Variants in PARD3 observed in about 807,000 individuals in gnomAD.
PARD3 encodes par-3 family cell polarity regulator, also known as partitioning defective 3 homolog.
In PARD3, 75 loss-of-function variants were observed where a neutral mutation model predicts 155.4. The ratio of observed to expected loss-of-function variants is 0.48; its 90% CI spans 0.40 to 0.58. The LOEUF is 0.58. PARD3 is among the 20% of genes least tolerant of loss of function. The probability of loss-of-function intolerance (pLI) is 0.00; values close to 1 mark genes in which losing one functional copy is unlikely to be tolerated. For missense variants in PARD3, 1,642 were observed against 1,721.7 expected (o/e 0.95, Z 0.82); for synonymous variants, 576 against 610.5 (o/e 0.94, Z 0.83).
At chr10:34,662,168 C>T (rs117927812) in intron 2 of PARD3, among the ~76,000 whole-genome samples, 1,703 of 152,246 alleles carry the variant, frequency 0.011, 13 homozygotes, top group Non-Finnish European at 0.018. Context: ...CAACATCACC[C>T]ATCATCAGAA....
At chr10:34,628,921 C>T (rs1175721559) in intron 2 of PARD3, among the ~76,000 whole-genome samples, 2 of 152,170 alleles carry the variant, frequency 1.3e-5, no homozygotes, top group Non-Finnish European at 2.9e-5. Flanking sequence ...CATGAAAATT[C>T]CCTACATCCT....
intron 2 of PARD3, among the ~76,000 whole-genome samples, chr10:34,616,422 C>T (rs903265921): frequency 6.6e-6 from 1 of 152,218 alleles, no homozygotes; most frequent in South Asian, 2.1e-4. Flanking sequence ...AACGAAATAT[C>T]TGCGTTCCCA....
chr10:34,509,929 C>G (rs942165100), intron 3 of PARD3, among the ~76,000 whole-genome samples: 2 of 152,174 alleles, frequency 1.3e-5, no homozygotes, highest in African/African-American at 4.8e-5. Context: ...CTCTGGATAA[C>G]AAACACTTTT....
chr10:34,549,613 G>T (rs2084373922), intron 2 of PARD3, among the ~76,000 whole-genome samples: 1 of 152,106 alleles, frequency 6.6e-6, no homozygotes, highest in Non-Finnish European at 1.5e-5. Flanking sequence ...TTGATTACCA[G>T]TTTAGTGACA....
At chr10:34,621,887 A>G (rs2091700782) in intron 2 of PARD3, among the ~76,000 whole-genome samples, 1 of 150,114 alleles carries the variant, frequency 6.7e-6, no homozygotes, top group East Asian at 1.9e-4. Context: ...ATTTTGATAA[A>G]GTAAATTCCC....
chr10:34,176,127 A>T (rs921781315), intron 22 of PARD3, among the ~76,000 whole-genome samples: 2 of 152,188 alleles, frequency 1.3e-5, no homozygotes, highest in Non-Finnish European at 2.9e-5. Flanking sequence ...GTGTCAGTAT[A>T]AAAAAAGGAG....
chr10:34,741,701 C>G (rs2095022025), intron 1 of PARD3, among the ~76,000 whole-genome samples: 1 of 152,164 alleles, frequency 6.6e-6, no homozygotes, highest in African/African-American at 2.4e-5. Context: ...ATACCTGCTT[C>G]TGTGGAGCAG....
At chr10:34,321,222 C>T (rs993965705) in intron 19 of PARD3, among the ~76,000 whole-genome samples, 4 of 152,090 alleles carry the variant, frequency 2.6e-5, no homozygotes, top group Middle Eastern at 3.4e-3. Flanking sequence ...TTCCCTTAAA[C>T]GAACATGCAT....
At chr10:34,681,734 AT>A (rs2093828656) in intron 2 of PARD3, among the ~76,000 whole-genome samples, 1 of 10,288 alleles carries the variant, frequency 9.7e-5, no homozygotes, top group African/African-American at 4.0e-4. Flanking sequence ...TGTATTTTAT[AT>A]ATATATATAT....
At position 34,475,827 on chromosome 10, in the gene PARD3, T is replaced by C. The variant is rs1357843423; in HGVS notation, c.404-5564A>G. On this transcript the variant is annotated intron_variant, in intron 3 of 24. Coordinates refer to ENST00000374788, the MANE Select transcript of PARD3 (RefSeq NM_001184785.2). ...TCTTTAGCAACAAATATTGCCCATT[T>C]TTTGCCTTACAGTGACAGGCTTGTG... Among the ~76,000 whole-genome samples the C allele has an allele frequency of 3.3e-5, 5 of 152,290 alleles. No homozygotes were observed. The East Asian group carries it at 9.6e-4, about 29-fold the overall frequency.
rs1483500362 is a variant in PARD3 at position 34,360,059 on chromosome 10, G to T, written c.1896+12C>A. ...TGTTAATAGGCATACGCATGATAAA[G>T]TTGACACTCACTTTAGATGCTGCTC... On this transcript the variant is annotated intron_variant, in intron 13 of 24. Coordinates refer to ENST00000374788, the MANE Select transcript of PARD3 (RefSeq NM_001184785.2). 1 of 1,608,256 alleles carries T rather than the reference G, an allele frequency of 6.2e-7. No homozygotes were observed. The highest frequency in any genetic ancestry group is 2.2e-5 in the East Asian group (1 of 44,848).
At chr10:34,435,530 C>T (rs765371755) in intron 5 of PARD3, among the ~76,000 whole-genome samples, 2 of 152,188 alleles carry the variant, frequency 1.3e-5, no homozygotes, top group Non-Finnish European at 2.9e-5. Flanking sequence ...AAATGAGACA[C>T]TAATATCTGT....
intron 3 of PARD3, among the ~76,000 whole-genome samples, chr10:34,513,580 C>T (rs1359647741): frequency 9.2e-5 from 14 of 152,166 alleles, no homozygotes; most frequent in Admixed American, 6.5e-5. Context: ...CGCACCCAGC[C>T]TGGATTATCT....
intron 3 of PARD3, among the ~76,000 whole-genome samples, chr10:34,490,727 A>G (rs1390391569): frequency 6.6e-6 from 1 of 152,192 alleles, no homozygotes; most frequent in Non-Finnish European, 1.5e-5. Context: ...TAACCTCAAC[A>G]AAAAGTGGAA....
chr10:34,236,863 T>C (rs1223369988), intron 22 of PARD3, among the ~76,000 whole-genome samples: 1 of 152,118 alleles, frequency 6.6e-6, no homozygotes, highest in African/African-American at 2.4e-5. Context: ...GAGTGAGAAT[T>C]AGGGTTCTTA....
At chr10:34,407,600 G>A (rs1258888750) in intron 5 of PARD3, among the ~76,000 whole-genome samples, 1 of 152,164 alleles carries the variant, frequency 6.6e-6, no homozygotes, top group African/African-American at 2.4e-5. Flanking sequence ...TAAAAAGGCA[G>A]TCGACATACT....
chr10:34,451,134 C>T (rs1256512793), intron 4 of PARD3, among the ~76,000 whole-genome samples: 1 of 152,054 alleles, frequency 6.6e-6, no homozygotes, highest in Non-Finnish European at 1.5e-5. Flanking sequence ...TTAATACTCC[C>T]CAGAACAACC....
At chr10:34,785,350 A>G (rs1348158439) in intron 1 of PARD3, among the ~76,000 whole-genome samples, 1 of 152,224 alleles carries the variant, frequency 6.6e-6, no homozygotes, top group Non-Finnish European at 1.5e-5. Flanking sequence ...ATAAATCCAC[A>G]ATTTTATATC....
chr10:34,784,167 C>T (rs187483074), intron 1 of PARD3, among the ~76,000 whole-genome samples: 10 of 152,110 alleles, frequency 6.6e-5, no homozygotes, highest in African/African-American at 9.6e-5. Context: ...GCTGTGACCA[C>T]GCCACTGTAC....
Sources: allele counts gnomAD v4.1 joint callset (sites outside exome capture counted in the v4.1 genomes callset), GRCh38; gene constraint gnomAD v4.1.1; transcripts MANE v1.5; gene names NCBI Gene and HGNC (gene_info 2026-07-23, HGNC 2026-07-21).